The following SLC31A1 variants were observed in gnomAD, a reference collection of about 807,000 sequenced individuals.
The protein encoded by SLC31A1 is high affinity copper uptake protein 1.
SLC31A1 carries 5 observed loss-of-function variants against 17.2 expected under a neutral mutation model. That is an observed-to-expected ratio of 0.29 (90% CI 0.15 to 0.61). SLC31A1 has a LOEUF of 0.61. Among genes scored for constraint, SLC31A1 ranks in the 20% least tolerant of loss-of-function variants. The pLI, the probability that SLC31A1 is intolerant of heterozygous loss-of-function variation, is 0.86. For synonymous variants in SLC31A1, 76 were observed against 78.8 expected (o/e 0.96, Z 0.19); for missense variants, 161 against 241.4 (o/e 0.67, Z 2.21).
intron 1 of SLC31A1, among the ~76,000 whole-genome samples, chr9:113,254,976 G>A (rs867924386): frequency 3.3e-5 from 5 of 152,162 alleles, no homozygotes; most frequent in African/African-American, 9.7e-5. Context: ...CAGTGATGTG[G>A]TAGTAAAGAT....
At chr9:113,236,299 A>C (rs1212461210) in intron 1 of SLC31A1, among the ~76,000 whole-genome samples, 2 of 150,720 alleles carry the variant, frequency 1.3e-5, no homozygotes, top group African/African-American at 4.9e-5. Flanking sequence ...TATTATTCAG[A>C]GTGCATTTCG....
intron 2 of SLC31A1, 74 bp downstream of exon 2, chr9:113,256,351 C>T: frequency 6.5e-7 from 1 of 1,545,480 alleles, no homozygotes; most frequent in Non-Finnish European, 8.9e-7. Context: ...AATTTTAGTA[C>T]TGGAAGCTTA....
chr9:113,235,340 G>C (rs1189888288), intron 1 of SLC31A1, among the ~76,000 whole-genome samples: 1 of 152,162 alleles, frequency 6.6e-6, no homozygotes, highest in Non-Finnish European at 1.5e-5. Context: ...AGAAGAATGT[G>C]ACCAATCTTG....
intron 1 of SLC31A1, among the ~76,000 whole-genome samples, chr9:113,229,077 C>T (rs1831374298): frequency 6.6e-6 from 1 of 152,156 alleles, no homozygotes; most frequent in Admixed American, 6.5e-5. Context: ...AACTCCTGAC[C>T]TCAGGTGATC....
At chr9:113,233,049 T>G (rs979131092) in intron 1 of SLC31A1, among the ~76,000 whole-genome samples, 3 of 152,204 alleles carry the variant, frequency 2.0e-5, no homozygotes, top group Admixed American at 6.5e-5. Flanking sequence ...AAGAGGTAGT[T>G]GCTATAAACA....
Position 113,258,740 on chromosome 9 carries a change from T to C in SLC31A1, c.249T>C (p.Tyr83=). The C allele has an allele frequency of 2.5e-6, 4 of 1,614,214 alleles. No homozygotes were observed. The highest frequency in any genetic ancestry group is 3.4e-6 in the Non-Finnish European group (4 of 1,180,044). Residue 83 remains tyrosine, a synonymous_variant, in exon 4 of 5, where the codon TAT becomes TAC. Transcript: ENST00000374212. This position sits in a 1 kb window ranked among gnomAD's most constrained non-coding sequence, Gnocchi z 4.8. Reference sequence around the variant, plus strand: ...CAGTGTTTTTACTAGCAATGTTCTATGAAGGACTCAAGATAGCCCGAGAGA... The same window carrying C: ...CAGTGTTTTTACTAGCAATGTTCTACGAAGGACTCAAGATAGCCCGAGAGA... ...FVAVFLLAMF[Y]EGLKIARESL...
chr9:113,222,485 C>G (rs1228001086), intron 1 of SLC31A1, among the ~76,000 whole-genome samples: 1 of 152,170 alleles, frequency 6.6e-6, no homozygotes, highest in Non-Finnish European at 1.5e-5. Flanking sequence ...GTAGTCCTGG[C>G]TTAGACAAGG....
intron 1 of SLC31A1, among the ~76,000 whole-genome samples, chr9:113,233,036 G>C (rs1198983208): frequency 2.0e-5 from 3 of 152,202 alleles, no homozygotes; most frequent in Non-Finnish European, 4.4e-5. Context: ...AGTGTATACT[G>C]TCAAGAGGTA....
At chr9:113,228,097 A>C (rs1227628942) in intron 1 of SLC31A1, among the ~76,000 whole-genome samples, 1 of 152,178 alleles carries the variant, frequency 6.6e-6, no homozygotes, top group East Asian at 1.9e-4. Context: ...CTGTTTTGCA[A>C]ATTTTGCAAA....
At chr9:113,252,854 C>A (rs374693724) in intron 1 of SLC31A1, among the ~76,000 whole-genome samples, 2 of 152,014 alleles carry the variant, frequency 1.3e-5, no homozygotes, top group South Asian at 4.1e-4. Context: ...TTCAGACTCT[C>A]ATTGGAAGAG....
At chr9:113,239,075 C>G (rs1317719926) in intron 1 of SLC31A1, among the ~76,000 whole-genome samples, 2 of 152,108 alleles carry the variant, frequency 1.3e-5, no homozygotes, top group East Asian at 3.9e-4. Flanking sequence ...TGCGTAGGAC[C>G]TGTTGCCAAA....
At chr9:113,229,887 T>C (rs1436848320) in intron 1 of SLC31A1, among the ~76,000 whole-genome samples, 1 of 152,184 alleles carries the variant, frequency 6.6e-6, no homozygotes, top group African/African-American at 2.4e-5. Context: ...TTCACTAAAG[T>C]CACCTGCATC....
chr9:113,243,253 T>C (rs1287894958), intron 1 of SLC31A1, among the ~76,000 whole-genome samples: 1 of 152,212 alleles, frequency 6.6e-6, no homozygotes, highest in Non-Finnish European at 1.5e-5. Flanking sequence ...TATTTTGTTG[T>C]TTATGTAGTA....
rs115556987 is a variant in SLC31A1, at chr9:113,260,839, T to C, written c.*366T>C. 2.0e-3 allele frequency: 635 copies of C among 316,218 alleles called. 2 individuals are homozygous for C. The highest frequency in any genetic ancestry group is 0.013 in the African/African-American group (598 of 46,376). The allele number at this position is 316,218 out of a possible 1,614,324, so 19.6% of individuals were successfully genotyped here. ...GCTTCCTTTTTGAATTTTTAACAGATAGTAAGTAAATTTGGTGGTTTTTTC... is the reference window on the plus strand; with the variant it reads ...GCTTCCTTTTTGAATTTTTAACAGACAGTAAGTAAATTTGGTGGTTTTTTC... On this transcript the variant is annotated 3_prime_UTR_variant, in exon 5 of 5. Transcript: ENST00000374212.
At chr9:113,226,775 A>G (rs1217529614) in intron 1 of SLC31A1, among the ~76,000 whole-genome samples, 1 of 152,208 alleles carries the variant, frequency 6.6e-6, no homozygotes, top group Non-Finnish European at 1.5e-5. Flanking sequence ...AACAGGTGAC[A>G]TATTTCCCTA....
intron 1 of SLC31A1, among the ~76,000 whole-genome samples, chr9:113,239,438 C>T (rs572063840): frequency 2.8e-4 from 43 of 152,274 alleles, no homozygotes; most frequent in African/African-American, 1.0e-3. Flanking sequence ...CAGCTGTAGC[C>T]ATAAGGATTT....
chr9:113,260,840 A>G lies in SLC31A1; in HGVS notation c.*367A>G. 6.3e-6 allele frequency: 2 copies of G among 319,212 alleles called. No homozygotes were observed. The highest frequency in any genetic ancestry group is 6.1e-6 in the Non-Finnish European group (1 of 164,204). The allele number at this position is 319,212 out of a possible 1,614,324, so 19.8% of individuals were successfully genotyped here. A position where few individuals can be genotyped will look rare whatever the true frequency, so the allele number is the denominator to read the frequency against. On this transcript the variant is annotated 3_prime_UTR_variant, in exon 5 of 5. Coordinates refer to ENST00000374212, the MANE Select transcript of SLC31A1 (RefSeq NM_001859.4). ...CTTCCTTTTTGAATTTTTAACAGATAGTAAGTAAATTTGGTGGTTTTTTCC... is the reference window on the plus strand; with the variant it reads ...CTTCCTTTTTGAATTTTTAACAGATGGTAAGTAAATTTGGTGGTTTTTTCC...
intron 1 of SLC31A1, among the ~76,000 whole-genome samples, chr9:113,253,542 G>A (rs1831684793): frequency 1.3e-5 from 2 of 149,150 alleles, no homozygotes; most frequent in Non-Finnish European, 1.5e-5. Flanking sequence ...CCAGATTGTC[G>A]AGCTCTGTAA....
At chr9:113,237,594 G>A (rs1460089870) in intron 1 of SLC31A1, among the ~76,000 whole-genome samples, 1 of 152,098 alleles carries the variant, frequency 6.6e-6, no homozygotes, top group Non-Finnish European at 1.5e-5. Context: ...AAGAACACTG[G>A]GCTTGAGGTC....
Sources: allele counts gnomAD v4.1 joint callset (sites outside exome capture counted in the v4.1 genomes callset), GRCh38; gene constraint gnomAD v4.1.1; non-coding constraint Gnocchi (gnomAD v3.1); transcripts MANE v1.5; gene names NCBI Gene and HGNC (gene_info 2026-07-23, HGNC 2026-07-21).